The following PTPRD variants were observed in gnomAD, a reference collection of about 807,000 sequenced individuals.
PTPRD encodes receptor-type tyrosine-protein phosphatase delta.
PTPRD carries 34 observed loss-of-function variants against 214.5 expected under a neutral mutation model. The ratio of observed to expected loss-of-function variants is 0.16; its 90% confidence interval spans 0.12 to 0.21. PTPRD has a LOEUF of 0.21. Among genes scored for constraint, PTPRD ranks in the 10% least tolerant of loss-of-function variants. The pLI is 1.00. For missense variants in PTPRD, 2,545 were observed against 2,398.7 expected (o/e 1.06, Z -1.27); for synonymous variants, 1,128 against 845.7 (o/e 1.33, Z -5.79).
At chr9:8,845,981 C>T (rs186974096) in intron 11 of PTPRD, among the ~76,000 whole-genome samples, 1 of 152,304 alleles carries the variant, frequency 6.6e-6, no homozygotes, top group African/African-American at 2.4e-5. Flanking sequence ...GAACTATAAT[C>T]ATGCCAGGCA....
chr9:8,807,348 C>G (rs927460976), intron 11 of PTPRD, among the ~76,000 whole-genome samples: 5 of 151,998 alleles, frequency 3.3e-5, no homozygotes, highest in Non-Finnish European at 7.4e-5. Flanking sequence ...ACAACAACAA[C>G]AACAAAGTTA....
intron 3 of PTPRD, among the ~76,000 whole-genome samples, chr9:10,144,516 G>C (rs1458732285): frequency 6.6e-6 from 1 of 152,024 alleles, no homozygotes; most frequent in Non-Finnish European, 1.5e-5. Flanking sequence ...TCTAAAAATA[G>C]ACCTCAGTCC....
intron 4 of PTPRD, among the ~76,000 whole-genome samples, chr9:9,947,668 G>T (rs1319265063): frequency 4.0e-5 from 4 of 100,674 alleles, no homozygotes; most frequent in Admixed American, 1.6e-4. Flanking sequence ...TGGCATGTAG[G>T]TAGTAAAAGG....
chr9:10,575,053 T>C (rs537094953), intron 2 of PTPRD, among the ~76,000 whole-genome samples: 2 of 152,064 alleles, frequency 1.3e-5, no homozygotes, highest in East Asian at 3.9e-4. Context: ...AGAAATATTT[T>C]TCACATCATG....
At chr9:9,186,661 T>TCA (rs1467874290) in intron 9 of PTPRD, among the ~76,000 whole-genome samples, 3 of 121,236 alleles carry the variant, frequency 2.5e-5, no homozygotes, top group African/African-American at 8.7e-5. Flanking sequence ...TCTCTCTCTC[T>TCA]CTCTCACACA....
At chr9:9,210,774 T>G (rs945280215) in intron 9 of PTPRD, among the ~76,000 whole-genome samples, 3 of 151,690 alleles carry the variant, frequency 2.0e-5, no homozygotes, top group African/African-American at 7.3e-5. Context: ...AAGGCAACTA[T>G]TTTTTTTGTT....
At chr9:8,491,750 G>C (rs904788251) in intron 27 of PTPRD, among the ~76,000 whole-genome samples, 6 of 151,980 alleles carry the variant, frequency 3.9e-5, no homozygotes, top group Non-Finnish European at 8.8e-5. Flanking sequence ...CCAGGTGGCA[G>C]GATGCGAGCG....
intron 8 of PTPRD, among the ~76,000 whole-genome samples, chr9:9,486,548 T>TTTTTC (rs573231768): frequency 9.5e-4 from 144 of 152,216 alleles, no homozygotes; most frequent in African/African-American, 3.3e-3. Flanking sequence ...GCCTTCTTAG[T>TTTTTC]TTTTCTTTTC....
At chr9:9,221,948 T>G (rs2099956357) in intron 9 of PTPRD, among the ~76,000 whole-genome samples, 1 of 152,040 alleles carries the variant, frequency 6.6e-6, no homozygotes, top group Non-Finnish European at 1.5e-5. Context: ...ACAATCTGCA[T>G]TTTAACAAAA....
chr9:8,828,618 T>A (rs1310031183), intron 11 of PTPRD, among the ~76,000 whole-genome samples: 15 of 152,152 alleles, frequency 9.9e-5, no homozygotes, highest in Admixed American at 6.5e-5. Context: ...AACCCCAAAT[T>A]ATGAGTTGCT....
At position 9,927,118 on chromosome 9, in the gene PTPRD, A is replaced by G. The variant is rs117906095; in HGVS notation, c.-368+11389T>C. Among the ~76,000 whole-genome samples, 267 of 152,308 alleles carry G rather than the reference A, an allele frequency of 1.8e-3. 9 individuals carry two copies. The East Asian group carries it at 0.038, about 22-fold the overall frequency. On this transcript the variant is annotated intron_variant, in intron 5 of 45. Coordinates refer to ENST00000381196, the MANE Select transcript of PTPRD (RefSeq NM_002839.4). ...AAACATCACAGATTTTGTAATAACCATTATATACTTAACCAGTATAAAATA... is the reference window on the plus strand; with the variant it reads ...AAACATCACAGATTTTGTAATAACCGTTATATACTTAACCAGTATAAAATA...
intron 4 of PTPRD, among the ~76,000 whole-genome samples, chr9:9,989,016 C>CAAAAAAAAAAAAAAAAAAAAAAAAA (rs397836899): frequency 5.5e-5 from 2 of 36,288 alleles, no homozygotes; most frequent in African/African-American, 1.5e-4. Context: ...TTTCACTGAC[C>CAAAAAAAAAAAAAAAAAAAAAAAAA]AAAAAAAAAA....
intron 2 of PTPRD, among the ~76,000 whole-genome samples, chr9:10,378,676 T>C (rs1181636511): frequency 6.6e-6 from 1 of 152,040 alleles, no homozygotes; most frequent in Non-Finnish European, 1.5e-5. Context: ...TTGGTCTATG[T>C]GTCTGTTTTT....
At chr9:9,957,357 A>C (rs142682359) in intron 4 of PTPRD, among the ~76,000 whole-genome samples, 1 of 152,302 alleles carries the variant, frequency 6.6e-6, no homozygotes, top group African/African-American at 2.4e-5. Flanking sequence ...AAGCTTAACA[A>C]GAAAGGACTT....
intron 3 of PTPRD, among the ~76,000 whole-genome samples, chr9:10,108,663 C>G (rs778403500): frequency 6.6e-5 from 10 of 152,034 alleles, no homozygotes; most frequent in African/African-American, 2.4e-4. Context: ...GATTTCTGCA[C>G]TCTCATATTT....
chr9:10,218,209 T>A (rs1023626922), intron 3 of PTPRD, among the ~76,000 whole-genome samples: 4 of 151,864 alleles, frequency 2.6e-5, no homozygotes, highest in Non-Finnish European at 5.9e-5. Context: ...AAAGGCAGAC[T>A]TAAAAATACA....
At chr9:9,951,552 AC>A (rs1465115993) in intron 4 of PTPRD, among the ~76,000 whole-genome samples, 1 of 152,168 alleles carries the variant, frequency 6.6e-6, no homozygotes, top group Non-Finnish European at 1.5e-5. Context: ...TAAAAACAGC[AC>A]CCCCCAATGT....
intron 11 of PTPRD, among the ~76,000 whole-genome samples, chr9:8,889,923 A>G (rs2098524216): frequency 6.6e-6 from 1 of 152,178 alleles, no homozygotes; most frequent in Non-Finnish European, 1.5e-5. Context: ...ATAAACATGC[A>G]TGTGCAAGTG....
intron 4 of PTPRD, among the ~76,000 whole-genome samples, chr9:9,952,224 G>A (rs1169017619): frequency 3.9e-5 from 6 of 152,152 alleles, no homozygotes; most frequent in East Asian, 1.9e-4. Flanking sequence ...GAGCTCAAAC[G>A]TGGCTATGTT....
Sources: gnomAD v4.1 joint callset for allele counts (sites outside exome capture counted in the v4.1 genomes callset) on GRCh38, gnomAD v4.1.1 for gene constraint, MANE v1.5 for transcripts, NCBI Gene and HGNC (gene_info 2026-07-23, HGNC 2026-07-21) for gene names.